Variants in RELB observed in about 807,000 individuals in gnomAD.
RELB encodes the protein RELB proto-oncogene, NF-kB subunit.
In RELB, 14 loss-of-function variants were observed where a neutral mutation model predicts 55.4. The ratio of observed to expected loss-of-function variants is 0.25; its 90% CI spans 0.17 to 0.40. The LOEUF (loss-of-function observed/expected upper bound fraction) is 0.40, where lower values mean the gene tolerates loss of function less well. Among genes scored for constraint, RELB ranks in the 10% least tolerant of loss-of-function variants. The pLI, the probability that RELB is intolerant of heterozygous loss-of-function variation, is 1.00. For missense variants in RELB, 669 were observed against 830.7 expected (o/e 0.81, Z 2.39); for synonymous variants, 409 against 371.3 (o/e 1.10, Z -1.17).
chr19:45,011,805 A>C (rs62117218), intron 3 of RELB, 131 bp from the exon 4 acceptor site: 1 of 73,528 alleles, frequency 1.4e-5, no homozygotes, highest in Non-Finnish European at 2.4e-5. Flanking sequence ...TGTGAGAGAG[A>C]GAGAGAGAGA....
intron 3 of RELB, 59 bp downstream of exon 3, chr19:45,009,881 GGGTCTTGGCCTTC>G: frequency 6.8e-7 from 1 of 1,473,828 alleles, no homozygotes; most frequent in Non-Finnish European, 9.3e-7. Context: ...CTACAGAAGG[GGGTCTTGGCCTTC>G]CTTGTTCAGT....
Position 45,024,151 on chromosome 19 carries a change from C to T in RELB, c.663-1178C>T, listed in dbSNP as rs375397973. 3.0e-3 allele frequency among the ~76,000 whole-genome samples: 457 copies of T among 151,122 alleles called. 2 individuals are homozygous for T. Among genetic ancestry groups the T allele is most frequent in the Non-Finnish European group, 4.6e-3 (310 of 67,766 alleles). On this transcript the variant is annotated intron_variant, in intron 5 of 11. Transcript: ENST00000221452. Reference sequence around the variant, plus strand: ...CCACCGCACCTGGCCCTGAAGTTTTCTTATTTTATTTATTTATTTATTTAT... The same window carrying T: ...CCACCGCACCTGGCCCTGAAGTTTTTTTATTTTATTTATTTATTTATTTAT...
At chr19:45,007,804 G>T (rs576207010) in intron 2 of RELB, among the ~76,000 whole-genome samples, 1 of 130,906 alleles carries the variant, frequency 7.6e-6, no homozygotes, top group East Asian at 2.1e-4. Context: ...GTTGCAGTGA[G>T]CCAAGAATGC....
In RELB at chr19:45,037,636, C is replaced by G; in HGVS notation, c.1586C>G (p.Pro529Arg). Residue 529 changes from proline (P) to arginine (R), a missense_variant, in exon 12 of 12, where the codon CCC (proline) becomes CGC (arginine). Around this residue, in one of 3 missense-constraint regions of RELB, gnomAD observed 341 missense variants for 436.8 expected, o/e 0.78. Coordinates refer to ENST00000221452, the MANE Select transcript of RELB (RefSeq NM_006509.4). ...GCCGGGGCCGTGGTTGGGGAGACCC[C>G]CGGCCCTGAACCACTGACACTGGAC... The part of the protein sequence containing the change: ...GGAGAVVGET[P>R]GPEPLTLDSY... 1 of 1,601,054 alleles carries G rather than the reference C, an allele frequency of 6.2e-7. No homozygotes were observed. Among genetic ancestry groups the G allele is most frequent in the Non-Finnish European group, 8.5e-7 (1 of 1,174,594 alleles).
At chr19:45,031,861 C>T (rs558817678) in intron 8 of RELB, among the ~76,000 whole-genome samples, 1 of 151,586 alleles carries the variant, frequency 6.6e-6, no homozygotes, top group South Asian at 2.1e-4. Flanking sequence ...TGGGCGTGAG[C>T]CACCGTGCCT....
chr19:45,036,831 A>C (rs1431137917), intron 11 of RELB, among the ~76,000 whole-genome samples: 1 of 152,120 alleles, frequency 6.6e-6, no homozygotes, highest in Non-Finnish European at 1.5e-5. Flanking sequence ...GGCGGGCACC[A>C]CCACACCCAG....
chr19:45,022,284 A>G (rs1415782571), intron 5 of RELB, 74 bp downstream of exon 5: 3 of 1,433,028 alleles, frequency 2.1e-6, no homozygotes, highest in Non-Finnish European at 1.9e-6. Context: ...CACCCATGAA[A>G]CTTTAGAGCA....
intron 8 of RELB, among the ~76,000 whole-genome samples, chr19:45,029,862 AAAAG>A (rs1971600285): frequency 6.6e-6 from 1 of 151,762 alleles, no homozygotes; most frequent in Non-Finnish European, 1.5e-5. Flanking sequence ...AAAAAAGAAA[AAAAG>A]AAAGAAAAGA....
intron 2 of RELB, among the ~76,000 whole-genome samples, chr19:45,004,423 C>T (rs185480977): frequency 6.7e-6 from 1 of 149,822 alleles, no homozygotes; most frequent in East Asian, 2.0e-4. Flanking sequence ...AGGGTTTCTC[C>T]ATGTTGGTCA....
intron 5 of RELB, among the ~76,000 whole-genome samples, chr19:45,022,775 C>T (rs1351500415): frequency 6.6e-6 from 1 of 152,120 alleles, no homozygotes; most frequent in Non-Finnish European, 1.5e-5. Flanking sequence ...TCTCGAACTG[C>T]TGACCTTAGG....
At chr19:45,015,507 G>A (rs1201348114) in intron 4 of RELB, among the ~76,000 whole-genome samples, 1 of 152,020 alleles carries the variant, frequency 6.6e-6, no homozygotes, top group Non-Finnish European at 1.5e-5. Flanking sequence ...GACTAAGGCA[G>A]GAGGATCACT....
chr19:45,011,787 TGTGTGTGTGTGAGA>T, intron 3 of RELB, 135 bp from the exon 4 acceptor site: 1 of 333,892 alleles, frequency 3.0e-6, no homozygotes, highest in Non-Finnish European at 5.0e-6. Flanking sequence ...TGTGTGTGTG[TGTGTGTGTGTGAGA>T]GAGAGAGAGA....
Position 45,003,742 on chromosome 19 carries a change from A to G in RELB, c.154+746A>G, listed in dbSNP as rs967910482. Among the ~76,000 whole-genome samples, 7 of 151,680 alleles carry G rather than the reference A, an allele frequency of 4.6e-5. No homozygotes were observed. In the South Asian group the frequency reaches 1.2e-3, roughly 27 times the overall value. On this transcript the variant is annotated intron_variant, in intron 2 of 11. Transcript: ENST00000221452. The stretch of plus-strand genomic sequence containing the variant: ...CTTTCAGGGAAATTGAGAGTATTCA[A>G]TGAATTGATACAGGTACACTTTCCA...
intron 2 of RELB, among the ~76,000 whole-genome samples, chr19:45,004,318 G>A (rs1971256253): frequency 6.6e-6 from 1 of 150,486 alleles, no homozygotes; most frequent in Non-Finnish European, 1.5e-5. Flanking sequence ...CACCTCTCAG[G>A]TTCGAGCAAT....
At chr19:45,025,809 C>T in intron 7 of RELB, 72 bp downstream of exon 7, 1 of 1,584,666 alleles carries the variant, frequency 6.3e-7, no homozygotes, top group Non-Finnish European at 8.7e-7. Context: ...CTTACAGAGG[C>T]ATGAATGGCT....
intron 4 of RELB, among the ~76,000 whole-genome samples, chr19:45,020,208 T>C (rs956973792): frequency 2.0e-5 from 3 of 151,932 alleles, no homozygotes; most frequent in African/African-American, 7.3e-5. Context: ...CATGATTTAT[T>C]CTCTTTCTCT....
chr19:45,012,736 C>T (rs1167186693), intron 4 of RELB, among the ~76,000 whole-genome samples: 1 of 99,754 alleles, frequency 1.0e-5, no homozygotes, highest in Non-Finnish European at 2.2e-5. Context: ...GACCTTGTCT[C>T]AAAAAAAAAG....
At chr19:45,011,375 G>T (rs1157298316) in intron 3 of RELB, among the ~76,000 whole-genome samples, 1 of 149,510 alleles carries the variant, frequency 6.7e-6, no homozygotes, top group African/African-American at 2.5e-5. Context: ...TGTTAGCCAG[G>T]ATGGTCTCGA....
chr19:45,004,279 A>G (rs1257561780), intron 2 of RELB, among the ~76,000 whole-genome samples: 3 of 140,976 alleles, frequency 2.1e-5, no homozygotes, highest in Non-Finnish European at 4.6e-5. Flanking sequence ...CTGGAGTACA[A>G]TGGCGCGATC....
Sources: allele counts gnomAD v4.1 joint callset (sites outside exome capture counted in the v4.1 genomes callset), GRCh38; gene constraint gnomAD v4.1.1; regional missense constraint gnomAD v4.1.1; transcripts MANE v1.5; gene names NCBI Gene and HGNC (gene_info 2026-07-23, HGNC 2026-07-21).